DTWD2: variants seen among roughly 807,000 people sequenced by gnomAD.
DTWD2 encodes tRNA-uridine aminocarboxypropyltransferase 2.
Under a neutral mutation model 31.8 loss-of-function variants are expected in DTWD2, and 39 were observed. That is an observed-to-expected ratio of 1.22 (90% CI 0.95 to 1.60). The LOEUF (loss-of-function observed/expected upper bound fraction) is 1.60, where lower values mean the gene tolerates loss of function less well. Ranked by LOEUF, DTWD2 falls within the 40% of genes most tolerant of loss-of-function variation. The probability of loss-of-function intolerance (pLI) is 0.00; values close to 1 mark genes in which losing one functional copy is unlikely to be tolerated. For missense variants in DTWD2, 515 were observed against 381.5 expected (o/e 1.35, Z -2.92); for synonymous variants, 180 against 142.8 (o/e 1.26, Z -1.86).
chr5:118,924,839 A>C (rs1030596584), intron 4 of DTWD2, among the ~76,000 whole-genome samples: 1 of 152,172 alleles, frequency 6.6e-6, no homozygotes, highest in African/African-American at 2.4e-5. Context: ...TGAGATCTAA[A>C]GCAAGTTATT....
chr5:118,918,672 G>A (rs751992542), intron 4 of DTWD2, among the ~76,000 whole-genome samples: 6 of 152,074 alleles, frequency 3.9e-5, no homozygotes, highest in Non-Finnish European at 5.9e-5. Context: ...TGCCACCAAT[G>A]CCAACACCAC....
intron 2 of DTWD2, among the ~76,000 whole-genome samples, chr5:118,943,612 C>T (rs974773457): frequency 6.6e-6 from 1 of 150,960 alleles, no homozygotes; most frequent in Non-Finnish European, 1.5e-5. Context: ...TAACAATTTG[C>T]AATAAAAGAA....
Position 118,841,615 on chromosome 5 carries a change from T to A in DTWD2, c.727-528A>T, listed in dbSNP as rs986870035. ...TGCCCAGGTCTTGGTGCGTTTGAAATTATTCTAACAATATCTGAACTGTCT... is the reference window on the plus strand; with the variant it reads ...TGCCCAGGTCTTGGTGCGTTTGAAAATATTCTAACAATATCTGAACTGTCT... On this transcript the variant is annotated intron_variant, in intron 5 of 5. Transcript: ENST00000510708. Among the ~76,000 whole-genome samples the A allele has an allele frequency of 2.0e-5, 3 of 152,172 alleles. No individual in the cohort carries two copies. In the East Asian group the frequency reaches 5.8e-4, roughly 29 times the overall value.
At chr5:118,899,799 C>CTTTTT (rs1163738328) in intron 4 of DTWD2, among the ~76,000 whole-genome samples, 9 of 124,930 alleles carry the variant, frequency 7.2e-5, no homozygotes, top group South Asian at 2.7e-4. Flanking sequence ...TTCGTTTTTT[C>CTTTTT]TTTTTTTTTT....
At chr5:118,868,665 C>CT in intron 4 of DTWD2, among the ~76,000 whole-genome samples, 1 of 152,094 alleles carries the variant, frequency 6.6e-6, no homozygotes, top group East Asian at 1.9e-4. Context: ...CAGTGAGACT[C>CT]TGTCTCTACC....
intron 1 of DTWD2, chr5:118,974,014 G>C: frequency 1.2e-6 from 2 of 1,602,380 alleles, no homozygotes; most frequent in Non-Finnish European, 8.5e-7. Flanking sequence ...GTGAGGAAGA[G>C]GATGGAGATG....
At chr5:118,893,360 CAAA>C (rs751616981) in intron 4 of DTWD2, among the ~76,000 whole-genome samples, 4 of 52,592 alleles carry the variant, frequency 7.6e-5, no homozygotes, top group Non-Finnish European at 8.8e-5. Context: ...GACACAGTCT[CAAA>C]AAAAAAAAAA....
intron 4 of DTWD2, among the ~76,000 whole-genome samples, chr5:118,871,283 G>A (rs1353020703): frequency 2.0e-5 from 3 of 152,042 alleles, no homozygotes; most frequent in Non-Finnish European, 2.9e-5. Context: ...AGTCATCCAC[G>A]AGAGTTGGAA....
At chr5:118,880,964 G>A (rs1177908079) in intron 4 of DTWD2, among the ~76,000 whole-genome samples, 3 of 152,114 alleles carry the variant, frequency 2.0e-5, no homozygotes, top group Non-Finnish European at 1.5e-5. Flanking sequence ...TCAGCAAAAC[G>A]TGTTGCATGC....
At chr5:118,904,053 G>A (rs778083921) in intron 4 of DTWD2, among the ~76,000 whole-genome samples, 1 of 151,986 alleles carries the variant, frequency 6.6e-6, no homozygotes, top group Non-Finnish European at 1.5e-5. Context: ...ACCAAGGTTG[G>A]TGATTCAATC....
intron 1 of DTWD2, among the ~76,000 whole-genome samples, chr5:118,950,686 AG>A (rs1754444629): frequency 1.3e-5 from 2 of 152,106 alleles, no homozygotes; most frequent in Non-Finnish European, 2.9e-5. Flanking sequence ...ATCCTGGGGG[AG>A]GAGGTCCTGA....
chr5:118,953,300 C>A (rs1035180338), intron 1 of DTWD2, among the ~76,000 whole-genome samples: 1 of 152,180 alleles, frequency 6.6e-6, no homozygotes, highest in Non-Finnish European at 1.5e-5. Context: ...TGAATTCATT[C>A]GTATCTACAT....
At chr5:118,873,286 C>T (rs1487774376) in intron 4 of DTWD2, among the ~76,000 whole-genome samples, 2 of 152,214 alleles carry the variant, frequency 1.3e-5, no homozygotes, top group African/African-American at 4.8e-5. Flanking sequence ...CACATGAACT[C>T]TGCAGGGCAG....
chr5:118,880,778 AT>A (rs367605207), intron 4 of DTWD2, among the ~76,000 whole-genome samples: 111 of 152,326 alleles, frequency 7.3e-4, no homozygotes, highest in Non-Finnish European at 5.9e-4. Flanking sequence ...TGAAATAACC[AT>A]CAAAAGTCAC....
intron 1 of DTWD2, among the ~76,000 whole-genome samples, chr5:118,948,653 A>G (rs1754393241): frequency 6.6e-6 from 1 of 152,142 alleles, no homozygotes; most frequent in Non-Finnish European, 1.5e-5. Context: ...AGTTGTTTGG[A>G]CAGAAAGGCT....
At chr5:118,935,959 A>C (rs1386733499) in intron 3 of DTWD2, among the ~76,000 whole-genome samples, 1 of 152,198 alleles carries the variant, frequency 6.6e-6, no homozygotes, top group East Asian at 1.9e-4. Context: ...TTGTGCATAT[A>C]GAATATTTAC....
At chr5:118,893,560 T>C (rs1412783105) in intron 4 of DTWD2, among the ~76,000 whole-genome samples, 1 of 151,870 alleles carries the variant, frequency 6.6e-6, no homozygotes, top group Non-Finnish European at 1.5e-5. Context: ...ATTTTTATAG[T>C]TTTTCAATTT....
At chr5:118,964,849 G>A (rs1754793501) in intron 1 of DTWD2, among the ~76,000 whole-genome samples, 1 of 152,182 alleles carries the variant, frequency 6.6e-6, no homozygotes, top group Non-Finnish European at 1.5e-5. Flanking sequence ...TGCAGCCTCT[G>A]CCCGGCCACC....
rs1315763838 is a variant in DTWD2 at position 118,839,717 on chromosome 5, A to G, written c.*1200T>C. Reference sequence around the variant, plus strand: ...AACAATAGAAGCCAGCACTCTTTTAATATTTTAAAATATTTTCTGCATAGT... The same window carrying G: ...AACAATAGAAGCCAGCACTCTTTTAGTATTTTAAAATATTTTCTGCATAGT... On this transcript the variant is annotated 3_prime_UTR_variant, in exon 6 of 6. Transcript: ENST00000510708. 6.6e-6 allele frequency: 1 copy of G among 152,154 alleles called. No individual in the cohort carries two copies. The highest frequency in any genetic ancestry group is 1.5e-5 in the Non-Finnish European group (1 of 68,026). The allele number at this position is 152,154 out of a possible 1,614,324, so 9.4% of individuals were successfully genotyped here. A position where few individuals can be genotyped will look rare whatever the true frequency, so the allele number is the denominator to read the frequency against.
Sources: gnomAD v4.1 joint callset for allele counts (sites outside exome capture counted in the v4.1 genomes callset) on GRCh38, gnomAD v4.1.1 for gene constraint, MANE v1.5 for transcripts, NCBI Gene and HGNC (gene_info 2026-07-23, HGNC 2026-07-21) for gene names.